Variants in SH3RF2 observed in about 807,000 individuals in gnomAD.
The protein encoded by SH3RF2 is E3 ubiquitin-protein ligase SH3RF2.
SH3RF2 carries 43 observed loss-of-function variants against 59.0 expected under a neutral mutation model. The observed-to-expected ratio is 0.73, with a 90% CI of 0.57 to 0.94. The LOEUF (loss-of-function observed/expected upper bound fraction) is 0.94. Among genes scored for constraint, SH3RF2 ranks in the 40% least tolerant of loss-of-function variants. SH3RF2 has a pLI of 0.00. For missense variants in SH3RF2, 930 were observed against 940.1 expected (o/e 0.99, Z 0.14); for synonymous variants, 391 against 391.5 (o/e 1.00, Z 0.01).
intron 8 of SH3RF2, 46 bp from the exon 9 acceptor site, chr5:146,059,820 T>G (rs1580938798): frequency 7.3e-7 from 1 of 1,367,252 alleles, no homozygotes; most frequent in Non-Finnish European, 9.6e-7. Context: ...CCCAACCTAC[T>G]GCCAGCCGCC....
At chr5:145,966,290 T>C (rs976214811) in intron 2 of SH3RF2, among the ~76,000 whole-genome samples, 1 of 152,146 alleles carries the variant, frequency 6.6e-6, no homozygotes, top group Non-Finnish European at 1.5e-5. Flanking sequence ...GGGATGACAG[T>C]GGCAGCAGAG....
chr5:146,003,041 A>C (rs552837377), intron 3 of SH3RF2, among the ~76,000 whole-genome samples: 1 of 152,302 alleles, frequency 6.6e-6, no homozygotes, highest in African/African-American at 2.4e-5. Flanking sequence ...ATCAATCCTA[A>C]TTCCTGAGGA....
chr5:146,054,869 T>C (rs187465), intron 7 of SH3RF2, among the ~76,000 whole-genome samples: 42,747 of 152,096 alleles, frequency 0.28, 7,611 homozygotes, highest in Non-Finnish European at 0.38. Flanking sequence ...AGGGTCTTAG[T>C]TGAGTTGGTT....
chr5:146,043,459 GTT>G (rs1554119210), intron 5 of SH3RF2, among the ~76,000 whole-genome samples: 1 of 152,066 alleles, frequency 6.6e-6, no homozygotes, highest in Non-Finnish European at 1.5e-5. Flanking sequence ...ATGTATTCAC[GTT>G]TTTTAACAGC....
At chr5:146,023,673 A>C (rs1162082894) in intron 5 of SH3RF2, among the ~76,000 whole-genome samples, 1 of 152,126 alleles carries the variant, frequency 6.6e-6, no homozygotes, top group African/African-American at 2.4e-5. Context: ...TACACAGTTG[A>C]GCATTCATCA....
chr5:145,945,550 G>A (rs1472353123), intron 2 of SH3RF2, among the ~76,000 whole-genome samples: 1 of 152,126 alleles, frequency 6.6e-6, no homozygotes. Context: ...ACAAAAAGAT[G>A]TTTTAAAAGT....
intron 3 of SH3RF2, among the ~76,000 whole-genome samples, chr5:146,002,530 AAG>A (rs1760470385): frequency 6.8e-6 from 1 of 146,058 alleles, no homozygotes; most frequent in East Asian, 2.0e-4. Flanking sequence ...GGAAGGAAGG[AAG>A]GAAGGATAAC....
chr5:146,032,233 A>C (rs1036459452), intron 5 of SH3RF2, among the ~76,000 whole-genome samples: 4 of 152,154 alleles, frequency 2.6e-5, no homozygotes, highest in Non-Finnish European at 5.9e-5. Context: ...AAATTAGTGA[A>C]ACATAGTCTG....
intron 5 of SH3RF2, among the ~76,000 whole-genome samples, chr5:146,031,359 G>C (rs915742049): frequency 6.6e-6 from 1 of 152,172 alleles, no homozygotes; most frequent in African/African-American, 2.4e-5. Flanking sequence ...ATGAATGAGT[G>C]GTGAAGCGAG....
At chr5:146,073,476 A>G (rs1178648017) in intron 9 of SH3RF2, among the ~76,000 whole-genome samples, 2 of 152,224 alleles carry the variant, frequency 1.3e-5, no homozygotes, top group Non-Finnish European at 2.9e-5. Flanking sequence ...CTTGGTGCCA[A>G]TTAACAGAAA....
chr5:145,937,057 T>C (rs1468462198), intron 1 of SH3RF2: 1 of 152,098 alleles, frequency 6.6e-6, no homozygotes, highest in Non-Finnish European at 1.5e-5. Flanking sequence ...CCAGAATTCC[T>C]ATCTGCTTCA....
intron 2 of SH3RF2, among the ~76,000 whole-genome samples, chr5:145,971,830 G>A (rs1187901202): frequency 6.6e-6 from 1 of 152,014 alleles, no homozygotes; most frequent in Non-Finnish European, 1.5e-5. Context: ...AAAGCATAAG[G>A]TGAAACATGA....
At chr5:145,984,340 G>C (rs1759620212) in intron 2 of SH3RF2, among the ~76,000 whole-genome samples, 1 of 152,140 alleles carries the variant, frequency 6.6e-6, no homozygotes, top group Admixed American at 6.6e-5. Context: ...GGGTGCAATG[G>C]CTTACAAAAG....
intron 2 of SH3RF2, among the ~76,000 whole-genome samples, chr5:145,953,579 CA>C (rs1286403344): frequency 6.6e-6 from 1 of 152,138 alleles, no homozygotes; most frequent in African/African-American, 2.4e-5. Context: ...ATTTTAGGTT[CA>C]GGGGTACATG....
At chr5:146,066,822 T>A (rs991122913), downstream of SH3RF2, among the ~76,000 whole-genome samples, 1 of 152,174 alleles carries the variant, frequency 6.6e-6, no homozygotes, top group Non-Finnish European at 1.5e-5. Context: ...AGGTGAAAAT[T>A]CCATCCTGTG....
intron 5 of SH3RF2, among the ~76,000 whole-genome samples, chr5:146,038,728 T>C (rs1762026908): frequency 6.6e-6 from 1 of 152,262 alleles, no homozygotes; most frequent in Non-Finnish European, 1.5e-5. Context: ...TATTTAAAGA[T>C]GTTGCTTCTC....
rs760499672 is a variant in SH3RF2, at chr5:145,938,206, C to G, written c.278C>G (p.Thr93Arg). 3 of 1,613,452 alleles carry G rather than the reference C, an allele frequency of 1.9e-6. No homozygotes were observed. The highest frequency in any genetic ancestry group is 2.7e-5 in the African/African-American group (2 of 75,050). ...GGGGGCTCCTTCCGCAGGCCTGGCA[C>G]GATGACCTTGCAGGATGGCAGGAAA... ...GRGGSFRRPGTMTLQDGRKSR... is the reference protein window; with the variant it reads ...GRGGSFRRPGRMTLQDGRKSR... The change falls in exon 2 of 10, where the codon ACG (threonine) becomes AGG (arginine). Residue 93 changes from threonine to arginine, a missense_variant. Transcript: ENST00000359120.
chr5:145,984,317 T>C (rs535673573), intron 2 of SH3RF2, among the ~76,000 whole-genome samples: 8 of 152,216 alleles, frequency 5.3e-5, no homozygotes, highest in African/African-American at 1.9e-4. Context: ...AGTGTTATGA[T>C]AGGGGAAGTA....
At chr5:146,047,934 A>G (rs1762367228) in intron 6 of SH3RF2, 71 bp downstream of exon 6, 2 of 1,416,972 alleles carry the variant, frequency 1.4e-6, no homozygotes, top group Admixed American at 3.5e-5. Context: ...TACAGTGGTG[A>G]TCTAGCATCA....
Sources: allele counts gnomAD v4.1 joint callset (sites outside exome capture counted in the v4.1 genomes callset), GRCh38; gene constraint gnomAD v4.1.1; transcripts MANE v1.5; gene names NCBI Gene and HGNC (gene_info 2026-07-23, HGNC 2026-07-21).